WWOX: variants seen among roughly 807,000 people sequenced by gnomAD.
WWOX encodes WW domain containing oxidoreductase.
In WWOX, 69 loss-of-function variants were observed where a neutral mutation model predicts 46.2. The ratio of observed to expected loss-of-function variants is 1.49; its 90% CI spans 1.23 to 1.82. The LOEUF is 1.82. Among genes scored for constraint, WWOX ranks in the 40% most tolerant of loss-of-function variants. The probability of loss-of-function intolerance (pLI) is 0.00; values close to 1 mark genes in which losing one functional copy is unlikely to be tolerated. For missense variants in WWOX, 919 were observed against 542.6 expected, an observed-to-expected ratio of 1.69 and a Z score of -6.89; for synonymous variants, 359 against 202.6, an observed-to-expected ratio of 1.77 and a Z score of -6.56.
At chr16:78,673,607 C>T (rs1013104186) in intron 8 of WWOX, among the ~76,000 whole-genome samples, 3 of 152,228 alleles carry the variant, frequency 2.0e-5, no homozygotes, top group East Asian at 1.9e-4. Flanking sequence ...GTGTTGGTTA[C>T]GACTTGCTAA....
At chr16:78,995,185 G>A (rs997889105) in intron 8 of WWOX, among the ~76,000 whole-genome samples, 1 of 151,932 alleles carries the variant, frequency 6.6e-6, no homozygotes, top group African/African-American at 2.4e-5. Context: ...TCCAAGCTCA[G>A]CTTCTCTCTG....
intron 8 of WWOX, among the ~76,000 whole-genome samples, chr16:78,518,307 C>G (rs771845845): frequency 4.6e-5 from 7 of 152,170 alleles, no homozygotes; most frequent in African/African-American, 9.7e-5. Context: ...TCTCAACTCA[C>G]CGCAGCCTCC....
intron 8 of WWOX, among the ~76,000 whole-genome samples, chr16:79,182,192 C>T (rs556423210): frequency 6.6e-6 from 1 of 151,904 alleles, no homozygotes; most frequent in African/African-American, 2.4e-5. Flanking sequence ...ATCTTCAGGT[C>T]ATGCCCTGTG....
Position 78,424,856 on chromosome 16 carries a change from A to AT in WWOX, c.606-10dup, listed in dbSNP as rs754238116. The AT allele has an allele frequency of 6.2e-7, 1 of 1,613,986 alleles. No homozygotes were observed. The highest frequency in any genetic ancestry group is 8.5e-7 in the Non-Finnish European group (1 of 1,179,952). ...TGTTTATGTCCACATCACATGGGAT[A>AT]TTTTATTTTTCAGGCCTCTTCATGT... is the stretch of plus-strand genomic sequence containing the variant. On this transcript the variant is annotated splice_polypyrimidine_tract_variant and intron_variant, in intron 6 of 8. Transcript: ENST00000566780.
At chr16:78,585,020 A>G (rs988327102) in intron 8 of WWOX, among the ~76,000 whole-genome samples, 3 of 152,174 alleles carry the variant, frequency 2.0e-5, no homozygotes, top group Non-Finnish European at 4.4e-5. Context: ...CGCTTGACCT[A>G]ATTCCCTATT....
intron 8 of WWOX, among the ~76,000 whole-genome samples, chr16:78,518,418 A>G (rs1212149117): frequency 6.6e-6 from 1 of 151,970 alleles, no homozygotes; most frequent in Admixed American, 6.6e-5. Context: ...ATGGGATTTC[A>G]CCATGTTGGC....
intron 8 of WWOX, among the ~76,000 whole-genome samples, chr16:78,770,516 T>C (rs2050038524): frequency 6.6e-6 from 1 of 151,662 alleles, no homozygotes; most frequent in South Asian, 2.1e-4. Context: ...GGCAGAAAGG[T>C]TCTCACTGAA....
chr16:78,857,964 T>C (rs942919790), intron 8 of WWOX, among the ~76,000 whole-genome samples: 5 of 152,202 alleles, frequency 3.3e-5, no homozygotes, highest in African/African-American at 1.2e-4. Context: ...ATGAATGCTT[T>C]TTTAGCGTTA....
Position 78,533,114 on chromosome 16 carries a change from C to A in WWOX, c.1056+100362C>A, listed in dbSNP as rs1340341006. Among the ~76,000 whole-genome samples, 5 of 152,088 alleles carry A rather than the reference C, an allele frequency of 3.3e-5. No individual in the cohort carries two copies. The South Asian group carries it at 8.3e-4, about 25-fold the overall frequency. ...TTCCTTTCCATCCTCAGAACTCCTC[C>A]CAGTGCCTCTCAATGGCTAAACCAA... On this transcript the variant is annotated intron_variant, in intron 8 of 8. Transcript: ENST00000566780.
chr16:78,437,709 G>A (rs1365198723), intron 8 of WWOX, among the ~76,000 whole-genome samples: 1 of 152,126 alleles, frequency 6.6e-6, no homozygotes, highest in African/African-American at 2.4e-5. Context: ...ATTTTTAAGT[G>A]TCGTTCTAAA....
intron 8 of WWOX, among the ~76,000 whole-genome samples, chr16:78,811,144 A>G (rs1395821916): frequency 1.3e-5 from 2 of 152,166 alleles, no homozygotes; most frequent in Non-Finnish European, 2.9e-5. Context: ...GTCTGAAGGG[A>G]CTTTGGTAAT....
chr16:78,823,468 C>A (rs1258997387), intron 8 of WWOX, among the ~76,000 whole-genome samples: 1 of 152,182 alleles, frequency 6.6e-6, no homozygotes, highest in Non-Finnish European at 1.5e-5. Flanking sequence ...TGAATGTTCA[C>A]CATGGTGACC....
chr16:78,129,903 C>G (rs552510624), intron 4 of WWOX: 205 of 152,276 alleles, frequency 1.3e-3, no homozygotes, highest in African/African-American at 4.7e-3. Flanking sequence ...CCACTGAAAT[C>G]TCATCTTGAA....
At chr16:79,058,143 T>G (rs2048298857) in intron 8 of WWOX, among the ~76,000 whole-genome samples, 1 of 146,860 alleles carries the variant, frequency 6.8e-6, no homozygotes, top group African/African-American at 2.5e-5. Context: ...AAAAAAAAAC[T>G]CCTTCTTCAT....
intron 8 of WWOX, among the ~76,000 whole-genome samples, chr16:78,806,587 T>A (rs183030705): frequency 8.0e-4 from 122 of 152,150 alleles, no homozygotes; most frequent in Non-Finnish European, 1.6e-3. Context: ...CACCTACACA[T>A]TGTCTCCATG....
chr16:78,159,390 T>C (rs1207293894), intron 4 of WWOX, among the ~76,000 whole-genome samples: 3 of 152,180 alleles, frequency 2.0e-5, no homozygotes, highest in East Asian at 1.9e-4. Flanking sequence ...GGAACCTCCA[T>C]ACTGTTTTTC....
At chr16:78,163,704 C>A (rs1028517610) in intron 4 of WWOX, among the ~76,000 whole-genome samples, 1 of 152,152 alleles carries the variant, frequency 6.6e-6, no homozygotes, top group Non-Finnish European at 1.5e-5. Context: ...GGCTAAGAAA[C>A]CTAGGTAACA....
At chr16:79,150,279 G>C (rs1392448053) in intron 8 of WWOX, among the ~76,000 whole-genome samples, 1 of 152,168 alleles carries the variant, frequency 6.6e-6, no homozygotes, top group Non-Finnish European at 1.5e-5. Flanking sequence ...AATTTTTCCA[G>C]TTGAGGATAA....
At chr16:78,819,196 G>C (rs1007908081) in intron 8 of WWOX, among the ~76,000 whole-genome samples, 2 of 152,150 alleles carry the variant, frequency 1.3e-5, no homozygotes, top group African/African-American at 4.8e-5. Context: ...AGGTTCCCAG[G>C]TGAAATGAGC....
Sources: gnomAD v4.1 joint callset for allele counts (sites outside exome capture counted in the v4.1 genomes callset) on GRCh38, gnomAD v4.1.1 for gene constraint, MANE v1.5 for transcripts, NCBI Gene and HGNC (gene_info 2026-07-23, HGNC 2026-07-21) for gene names.